The following PHTF2 variants were observed in gnomAD, a reference collection of about 807,000 sequenced individuals.
PHTF2 encodes putative homeodomain transcription factor 2.
A neutral mutation model predicts 101.2 loss-of-function variants in PHTF2; 60 were observed. That is an observed-to-expected ratio of 0.59 (90% CI 0.48 to 0.73). The LOEUF (loss-of-function observed/expected upper bound fraction) is 0.73, where lower values mean the gene tolerates loss of function less well. Ranked by LOEUF, PHTF2 falls within the 30% of genes least tolerant of loss-of-function variation. PHTF2 has a pLI of 0.00. For missense variants in PHTF2, 747 were observed against 908.7 expected (o/e 0.82, Z 2.29); for synonymous variants, 311 against 307.3 (o/e 1.01, Z -0.13).
intron 9 of PHTF2, among the ~76,000 whole-genome samples, chr7:77,918,505 A>T (rs1398853795): frequency 6.6e-6 from 1 of 152,166 alleles, no homozygotes; most frequent in Admixed American, 6.6e-5. Flanking sequence ...CCTTTCCAGT[A>T]CATTCTCTCT....
At chr7:77,948,958 C>A (rs539551633) in intron 16 of PHTF2, among the ~76,000 whole-genome samples, 3 of 152,034 alleles carry the variant, frequency 2.0e-5, no homozygotes, top group Non-Finnish European at 2.9e-5. Flanking sequence ...TTTGCATGTG[C>A]GTACAAGGAA....
chr7:77,951,686 T>G (rs1806559366), exon 18 of PHTF2: 4 of 1,466,188 alleles, frequency 2.7e-6, no homozygotes, highest in Non-Finnish European at 3.7e-6. Context: ...GAATAATGTT[T>G]TAAAACTGGC....
chr7:77,937,784 T>C, exon 13 of PHTF2: 1 of 1,548,710 alleles, frequency 6.5e-7, no homozygotes, highest in Non-Finnish European at 8.8e-7. Context: ...AAGGTAATGA[T>C]TGTAAGAAAG....
intron 12 of PHTF2, among the ~76,000 whole-genome samples, chr7:77,932,609 A>T (rs1804690923): frequency 5.0e-5 from 5 of 100,076 alleles, no homozygotes; most frequent in East Asian, 3.4e-4. Flanking sequence ...AGAAAGAGAG[A>T]GAGAGAGAGA....
At chr7:77,915,180 A>G (rs1802792539) in intron 9 of PHTF2, among the ~76,000 whole-genome samples, 1 of 151,514 alleles carries the variant, frequency 6.6e-6, no homozygotes, top group South Asian at 2.1e-4. Context: ...AAGTGCTGGG[A>G]TTACAGGCGT....
At chr7:77,943,794 G>T (rs924723675) in intron 16 of PHTF2, among the ~76,000 whole-genome samples, 1 of 151,966 alleles carries the variant, frequency 6.6e-6, no homozygotes, top group African/African-American at 2.4e-5. Context: ...AAGGAGTGCG[G>T]ATCACCTGAG....
intron 10 of PHTF2, among the ~76,000 whole-genome samples, chr7:77,921,918 C>CT (rs1803504092): frequency 6.6e-6 from 1 of 150,836 alleles, no homozygotes; most frequent in Non-Finnish European, 1.5e-5. Flanking sequence ...AGTGGTGGGT[C>CT]TTACAATTGA....
rs1194634507 is a variant in PHTF2, at chr7:77,957,235, T to C, written c.*2357T>C. The stretch of plus-strand genomic sequence containing the variant: ...AACATTCTGTGACTGACGGTGTTTT[T>C]TTTTTTAATTTTCAGGTCATATACA... On this transcript the variant is annotated 3_prime_UTR_variant, in exon 20 of 20. Coordinates refer to ENST00000416283, the Ensembl canonical transcript of PHTF2. 1 of 152,152 alleles carries C rather than the reference T, an allele frequency of 6.6e-6. No individual in the cohort carries two copies. Among genetic ancestry groups the C allele is most frequent in the Non-Finnish European group, 1.5e-5 (1 of 68,014 alleles). 9.4% of individuals were successfully genotyped at this position (152,152 alleles called of 1,614,324 possible). A position where few individuals can be genotyped will look rare whatever the true frequency, so the allele number is the denominator to read the frequency against.
At chr7:77,897,835 C>G (rs538560262) in intron 5 of PHTF2, among the ~76,000 whole-genome samples, 4 of 152,248 alleles carry the variant, frequency 2.6e-5, no homozygotes, top group Admixed American at 2.6e-4. Flanking sequence ...CGCCCGCTAC[C>G]ACGCCTGACT....
intron 8 of PHTF2, chr7:77,909,452 C>CACAG (rs1802169920): frequency 6.6e-6 from 1 of 152,306 alleles, no homozygotes; most frequent in Admixed American, 6.5e-5. Flanking sequence ...CCTGGACCTC[C>CACAG]TGGGCTCAAG....
chr7:77,891,373 T>C (rs934703723), intron 3 of PHTF2, among the ~76,000 whole-genome samples: 6 of 152,222 alleles, frequency 3.9e-5, no homozygotes, highest in African/African-American at 1.4e-4. Context: ...ATTGAATTTA[T>C]AATTTAAGAG....
chr7:77,923,859 T>C, intron 11 of PHTF2: 1 of 982,680 alleles, frequency 1.0e-6, no homozygotes, highest in East Asian at 1.1e-4. Flanking sequence ...GCAACTGTAT[T>C]TTAAACGATT....
exon 4 of PHTF2, chr7:77,893,652 G>A (rs781510879): frequency 7.2e-7 from 1 of 1,388,744 alleles, no homozygotes; most frequent in Non-Finnish European, 1.0e-6. Flanking sequence ...CTGTTGAACA[G>A]AGAGAAATCA....
intron 9 of PHTF2, among the ~76,000 whole-genome samples, chr7:77,911,802 C>T (rs980800842): frequency 1.3e-5 from 2 of 152,078 alleles, no homozygotes; most frequent in South Asian, 4.2e-4. Context: ...GTTTTGTTTT[C>T]GTTTTTAAAC....
chr7:77,855,685 AG>A (rs1797120843), intron 3 of PHTF2, among the ~76,000 whole-genome samples: 5 of 152,122 alleles, frequency 3.3e-5, no homozygotes, highest in Admixed American at 3.3e-4. Context: ...CCCTCTGCCT[AG>A]GACTGGTCTA....
At chr7:77,943,263 G>A (rs571710900) in intron 16 of PHTF2, among the ~76,000 whole-genome samples, 1 of 152,252 alleles carries the variant, frequency 6.6e-6, no homozygotes, top group South Asian at 2.1e-4. Context: ...TGGGACTACA[G>A]GTGCCCACCA....
intron 3 of PHTF2, among the ~76,000 whole-genome samples, chr7:77,870,303 G>GA (rs909755205): frequency 6.6e-6 from 1 of 151,002 alleles, no homozygotes; most frequent in African/African-American, 2.4e-5. Flanking sequence ...AGAACTAATG[G>GA]AAAAAAATTA....
chr7:77,931,355 G>A (rs1408653942), intron 12 of PHTF2, among the ~76,000 whole-genome samples: 1 of 152,178 alleles, frequency 6.6e-6, no homozygotes, highest in African/African-American at 2.4e-5. Context: ...AACTATCACA[G>A]TGTTACTACA....
intron 3 of PHTF2, among the ~76,000 whole-genome samples, chr7:77,857,373 C>T (rs1462840677): frequency 6.6e-6 from 1 of 152,190 alleles, no homozygotes; most frequent in Non-Finnish European, 1.5e-5. Context: ...ATTCTCTCTA[C>T]CCTGAGATTA....
Sources: gnomAD v4.1 joint callset for allele counts (sites outside exome capture counted in the v4.1 genomes callset) on GRCh38, gnomAD v4.1.1 for gene constraint, MANE v1.5 for transcripts, NCBI Gene and HGNC (gene_info 2026-07-23, HGNC 2026-07-21) for gene names.